RCOR3: variants seen among roughly 807,000 people sequenced by gnomAD.
RCOR3 encodes REST corepressor 3.
A neutral mutation model predicts 64.1 loss-of-function variants in RCOR3; 13 were observed. The observed-to-expected ratio is 0.20, with a 90% CI of 0.13 to 0.32. The LOEUF is 0.32. Among genes scored for constraint, RCOR3 ranks in the 10% least tolerant of loss-of-function variants. The probability of loss-of-function intolerance (pLI) is 1.00; values close to 1 mark genes in which losing one functional copy is unlikely to be tolerated. For synonymous variants in RCOR3, 215 were observed against 239.0 expected, an observed-to-expected ratio of 0.90 and a Z score of 0.93; for missense variants, 489 against 701.2, an observed-to-expected ratio of 0.70 and a Z score of 3.42.
intron 10 of RCOR3, among the ~76,000 whole-genome samples, chr1:211,311,795 CTG>C (rs1701513133): frequency 6.6e-6 from 1 of 152,104 alleles, no homozygotes; most frequent in Non-Finnish European, 1.5e-5. Flanking sequence ...TAGAATGAGT[CTG>C]TGAACTTCTT....
chr1:211,276,141 T>C, intron 4 of RCOR3, 116 bp from the exon 5 acceptor site: 2 of 949,392 alleles, frequency 2.1e-6, no homozygotes, highest in Middle Eastern at 2.3e-4. Flanking sequence ...AAACTGTGAG[T>C]CTATCTTCAG....
At chr1:211,301,817 A>C (rs1328703144) in intron 9 of RCOR3, 1 of 152,080 alleles carries the variant, frequency 6.6e-6, no homozygotes, top group East Asian at 1.9e-4. Flanking sequence ...ATGAAAAAAA[A>C]TTTTCATAAT....
chr1:211,267,732 C>T, intron 2 of RCOR3: 1 of 282,210 alleles, frequency 3.5e-6, no homozygotes, highest in South Asian at 2.8e-5. Flanking sequence ...GTTGGGACTA[C>T]AGGTGCACAC....
At chr1:211,304,037 G>A in intron 9 of RCOR3, 46 bp from the exon 10 acceptor site, 1 of 1,376,600 alleles carries the variant, frequency 7.3e-7, no homozygotes, top group African/African-American at 1.5e-5. Flanking sequence ...TTTGGAAAAT[G>A]TCTGTCTTCA....
At chr1:211,307,455 T>G (rs1439625755) in intron 10 of RCOR3, among the ~76,000 whole-genome samples, 1 of 150,256 alleles carries the variant, frequency 6.7e-6, no homozygotes, top group Non-Finnish European at 1.5e-5. Flanking sequence ...CACTCCAGCC[T>G]GGGCAGCAGA....
intron 7 of RCOR3, among the ~76,000 whole-genome samples, chr1:211,285,111 A>G (rs1012364906): frequency 3.9e-5 from 6 of 152,064 alleles, no homozygotes; most frequent in East Asian, 3.9e-4. Flanking sequence ...TTGATTTCCT[A>G]TATAGTGATT....
At chr1:211,298,320 G>A (rs971194936) in intron 9 of RCOR3, among the ~76,000 whole-genome samples, 6 of 152,068 alleles carry the variant, frequency 3.9e-5, no homozygotes, top group African/African-American at 4.8e-5. Flanking sequence ...TGCAGCTGAG[G>A]TTTGAAGGAT....
At chr1:211,309,339 G>T (rs1415363573) in intron 10 of RCOR3, among the ~76,000 whole-genome samples, 1 of 152,132 alleles carries the variant, frequency 6.6e-6, no homozygotes, top group African/African-American at 2.4e-5. Context: ...TTTGTGTTGG[G>T]TAATATAGAT....
intron 2 of RCOR3, among the ~76,000 whole-genome samples, chr1:211,268,795 C>G (rs2102454696): frequency 6.6e-6 from 1 of 152,164 alleles, no homozygotes; most frequent in East Asian, 1.9e-4. Flanking sequence ...ATACAAAAGG[C>G]TTTCGAATAC....
At chr1:211,295,593 A>G (rs1699780869) in intron 8 of RCOR3, 83 bp from the exon 9 acceptor site, 3 of 1,133,050 alleles carry the variant, frequency 2.6e-6, no homozygotes, top group Non-Finnish European at 4.0e-6. Context: ...GGGGTTTGGA[A>G]TATATTCTTT....
intron 8 of RCOR3, among the ~76,000 whole-genome samples, chr1:211,292,441 C>T (rs565595414): frequency 1.2e-4 from 18 of 152,282 alleles, no homozygotes; most frequent in Admixed American, 1.0e-3. Context: ...ACTCAGTCAC[C>T]TGTATTCATA....
At chr1:211,273,818 T>G (rs1183779582) in intron 3 of RCOR3, among the ~76,000 whole-genome samples, 11 of 152,124 alleles carry the variant, frequency 7.2e-5, no homozygotes, top group Admixed American at 5.9e-4. Context: ...TTGGATCAAC[T>G]CGAAATATGT....
intron 7 of RCOR3, among the ~76,000 whole-genome samples, chr1:211,288,366 C>T (rs1698809497): frequency 1.3e-5 from 2 of 149,464 alleles, no homozygotes; most frequent in Non-Finnish European, 3.0e-5. Flanking sequence ...TCACAGTCAT[C>T]ATTGTTATAC....
At chr1:211,306,658 G>A (rs1243264718) in intron 10 of RCOR3, among the ~76,000 whole-genome samples, 2 of 152,082 alleles carry the variant, frequency 1.3e-5, no homozygotes, top group Non-Finnish European at 1.5e-5. Context: ...AACATATTGA[G>A]ATCATTTCCT....
At chr1:211,283,275 GA>G (rs1440404582) in intron 7 of RCOR3, among the ~76,000 whole-genome samples, 1 of 152,226 alleles carries the variant, frequency 6.6e-6, no homozygotes, top group African/African-American at 2.4e-5. Context: ...GTGGGCAGGA[GA>G]AAGGGGTGAC....
intron 3 of RCOR3, among the ~76,000 whole-genome samples, chr1:211,272,706 C>G (rs1696399344): frequency 1.5e-5 from 2 of 132,352 alleles, no homozygotes; most frequent in South Asian, 5.3e-4. Flanking sequence ...ACTGCAAGCT[C>G]CGCCTCCCGG....
In RCOR3 at chr1:211,315,737, T is replaced by C. The variant is rs1228864233; in HGVS notation, c.*1969T>C. On this transcript the variant is annotated 3_prime_UTR_variant, in exon 12 of 12. Coordinates refer to ENST00000419091, the MANE Select transcript of RCOR3 (RefSeq NM_001136223.3). ...GCATCTGTCCAGCTGTTCAGTATAT[T>C]GTGATTCATTAAAAAATCTCTTCTA... 2 of 152,218 alleles carry C rather than the reference T, an allele frequency of 1.3e-5. No individual in the cohort carries two copies. The highest frequency in any genetic ancestry group is 2.9e-5 in the Non-Finnish European group (2 of 68,030). 9.4% of individuals were successfully genotyped at this position (152,218 alleles called of 1,614,324 possible). A position where few individuals can be genotyped will look rare whatever the true frequency, so the allele number is the denominator to read the frequency against.
intron 10 of RCOR3, among the ~76,000 whole-genome samples, chr1:211,310,724 T>C (rs1200543860): frequency 6.6e-6 from 1 of 152,142 alleles, no homozygotes. Context: ...GAATCAGACT[T>C]GGGGACAACT....
chr1:211,292,862 A>G (rs1699398632), intron 8 of RCOR3, among the ~76,000 whole-genome samples: 1 of 152,036 alleles, frequency 6.6e-6, no homozygotes, highest in Non-Finnish European at 1.5e-5. Context: ...GAGGCAGGTG[A>G]ATCGCGAGGT....
Sources: allele counts gnomAD v4.1 joint callset (sites outside exome capture counted in the v4.1 genomes callset), GRCh38; gene constraint gnomAD v4.1.1; transcripts MANE v1.5; gene names NCBI Gene and HGNC (gene_info 2026-07-23, HGNC 2026-07-21).